Variants in STK32B observed in about 807,000 individuals in gnomAD.
STK32B encodes the protein serine/threonine kinase 32B, also known as serine/threonine-protein kinase 32B.
STK32B carries 43 observed loss-of-function variants against 52.6 expected under a neutral mutation model. The observed-to-expected ratio is 0.82, with a 90% CI of 0.64 to 1.05. The LOEUF (loss-of-function observed/expected upper bound fraction) is 1.05, where lower values mean the gene tolerates loss of function less well. Among genes scored for constraint, STK32B ranks in the 50% least tolerant of loss-of-function variants. STK32B has a pLI of 0.00. For missense variants in STK32B, 621 were observed against 534.6 expected, an observed-to-expected ratio of 1.16 and a Z score of -1.59; for synonymous variants, 238 against 204.3, an observed-to-expected ratio of 1.17 and a Z score of -1.41.
the STK32B span, among the ~76,000 whole-genome samples, chr4:5,042,301 A>G: frequency 6.6e-6 from 1 of 152,238 alleles, no homozygotes; most frequent in African/African-American, 2.4e-5. Flanking sequence ...TGGGAAAGCC[A>G]AGCAGACTCA....
chr4:5,406,264 C>T (rs574325944), intron 5 of STK32B, among the ~76,000 whole-genome samples: 5 of 152,320 alleles, frequency 3.3e-5, no homozygotes, highest in Admixed American at 1.3e-4. Flanking sequence ...CATCTCTGCC[C>T]GTGTTGCTCT....
rs921513319 is a variant in STK32B at position 5,449,574 on chromosome 4, T to A, written c.666+2798T>A. ...GTGCAGACCAGGGTTCTCCAACCCC[T>A]GGGGCTGGGTACTGGCCTGTGGCCT... On this transcript the variant is annotated intron_variant, in intron 7 of 11. Transcript: ENST00000282908. 2.0e-5 allele frequency among the ~76,000 whole-genome samples: 3 copies of A among 152,274 alleles called. No individual in the cohort carries two copies. The South Asian group carries it at 6.2e-4, about 32-fold the overall frequency.
chr4:5,090,416 C>T (rs1301758194), intron 1 of STK32B, among the ~76,000 whole-genome samples: 1 of 142,798 alleles, frequency 7.0e-6, no homozygotes, highest in Non-Finnish European at 1.5e-5. Context: ...CGCTCTGTCA[C>T]CCAGGCTAGA....
At chr4:5,477,890 A>AG (rs1022021315) in intron 11 of STK32B, among the ~76,000 whole-genome samples, 83 of 152,286 alleles carry the variant, frequency 5.5e-4, no homozygotes, top group African/African-American at 1.9e-3. Flanking sequence ...CCCATCCGTC[A>AG]GACCCCCAGT....
Position 5,395,426 on chromosome 4 carries a change from C to T in STK32B, c.435-2781C>T, listed in dbSNP as rs1182738623. On this transcript the variant is annotated intron_variant, in intron 4 of 11. Coordinates refer to ENST00000282908, the MANE Select transcript of STK32B (RefSeq NM_018401.3). The surrounding 1 kb of genome is among the most constrained non-coding windows in gnomAD (Gnocchi z 4.4). ...GCACAGCTGGCCTTTTCTTGCTATTCAGATGTCAACCCAATGTCACCACTT... is the reference window on the plus strand; with the variant it reads ...GCACAGCTGGCCTTTTCTTGCTATTTAGATGTCAACCCAATGTCACCACTT... Among the ~76,000 whole-genome samples the T allele has an allele frequency of 6.6e-6, 1 of 152,208 alleles. No homozygotes were observed. The highest frequency in any genetic ancestry group is 2.4e-5 in the African/African-American group (1 of 41,464).
chr4:5,269,757 A>G (rs1054784313), intron 3 of STK32B, among the ~76,000 whole-genome samples: 2 of 152,208 alleles, frequency 1.3e-5, no homozygotes, highest in Admixed American at 1.3e-4. Flanking sequence ...ACATATAGCA[A>G]TAAAGGAAAT....
the STK32B span, among the ~76,000 whole-genome samples, chr4:5,033,165 G>A: frequency 1.3e-5 from 2 of 152,124 alleles, no homozygotes; most frequent in Non-Finnish European, 2.9e-5. Flanking sequence ...CAGGGTCAGC[G>A]GCCTCATGGA....
At chr4:5,381,226 C>G (rs563565539) in intron 4 of STK32B, among the ~76,000 whole-genome samples, 7 of 152,212 alleles carry the variant, frequency 4.6e-5, no homozygotes, top group Non-Finnish European at 5.9e-5. Context: ...ACCTTGGGTC[C>G]TTTATCTTCA....
At chr4:5,356,683 C>G (rs1349085599) in intron 4 of STK32B, among the ~76,000 whole-genome samples, 1 of 152,160 alleles carries the variant, frequency 6.6e-6, no homozygotes, top group Non-Finnish European at 1.5e-5. Context: ...TTATAGGTCT[C>G]AGCACACGGT....
At chr4:5,312,632 C>T (rs1254249084) in intron 3 of STK32B, among the ~76,000 whole-genome samples, 1 of 151,958 alleles carries the variant, frequency 6.6e-6, no homozygotes, top group Non-Finnish European at 1.5e-5. Flanking sequence ...TTTTTTATGG[C>T]TGCATAGTAT....
At chr4:5,040,225 A>G in the STK32B span, among the ~76,000 whole-genome samples, 1 of 152,086 alleles carries the variant, frequency 6.6e-6, no homozygotes, top group Non-Finnish European at 1.5e-5. Context: ...TGTATGTTCT[A>G]TTTGTAAAAA....
In STK32B at chr4:5,413,927, C is replaced by T. The variant is rs182333640; in HGVS notation, c.473-2918C>T. Among the ~76,000 whole-genome samples, 57 of 152,320 alleles carry T rather than the reference C, an allele frequency of 3.7e-4. 3 individuals are homozygous for T. The East Asian group carries it at 5.4e-3, about 14-fold the overall frequency. On this transcript the variant is annotated intron_variant, in intron 5 of 11. Coordinates refer to ENST00000282908, the MANE Select transcript of STK32B (RefSeq NM_018401.3). ...TGCCATCAATTATAACTTTTTGGAA[C>T]ATAATATGCGTACCCTTGGTCCCAG...
chr4:5,056,693 TCTAA>T (rs753703662), intron 1 of STK32B, among the ~76,000 whole-genome samples: 120 of 152,350 alleles, frequency 7.9e-4, no homozygotes, highest in Admixed American at 2.5e-3. Context: ...TTTGATGGGC[TCTAA>T]CTGAGTCTTG....
chr4:5,317,223 ATTATATATAACATATATATATT>A (rs1731068098), intron 3 of STK32B, among the ~76,000 whole-genome samples: 2 of 53,498 alleles, frequency 3.7e-5, no homozygotes, highest in African/African-American at 3.9e-4. Context: ...ACATATATAT[ATTATATATAACATATATATATT>A]ATATATAACA....
intron 4 of STK32B, among the ~76,000 whole-genome samples, chr4:5,369,545 G>T (rs766270034): frequency 6.6e-6 from 1 of 152,082 alleles, no homozygotes; most frequent in Non-Finnish European, 1.5e-5. Context: ...CTACCTGTGG[G>T]ACTCTTTAGC....
At chr4:5,205,703 C>CGTGTGTGT (rs71169688) in intron 3 of STK32B, among the ~76,000 whole-genome samples, 40 of 141,028 alleles carry the variant, frequency 2.8e-4, no homozygotes, top group African/African-American at 9.0e-4. Context: ...GGCGCGCGCG[C>CGTGTGTGT]GTGTGTGTGT....
chr4:5,483,389 T>C (rs2109204170), intron 11 of STK32B, among the ~76,000 whole-genome samples: 1 of 152,224 alleles, frequency 6.6e-6, no homozygotes, highest in South Asian at 2.1e-4. Flanking sequence ...GTGTTTATAG[T>C]GTTCTCTGAT....
At chr4:5,451,031 C>T (rs1715943908) in intron 7 of STK32B, among the ~76,000 whole-genome samples, 2 of 152,176 alleles carry the variant, frequency 1.3e-5, no homozygotes, top group African/African-American at 4.8e-5. Flanking sequence ...CTGGCTTCCT[C>T]ATTCACAAAA....
chr4:5,224,084 T>C (rs1723714780), intron 3 of STK32B, among the ~76,000 whole-genome samples: 1 of 152,236 alleles, frequency 6.6e-6, no homozygotes, highest in Admixed American at 6.5e-5. Context: ...ATTTAGATGA[T>C]ATCTAGAAGA....
Sources: allele counts gnomAD v4.1 joint callset (sites outside exome capture counted in the v4.1 genomes callset), GRCh38; gene constraint gnomAD v4.1.1; non-coding constraint Gnocchi (gnomAD v3.1); transcripts MANE v1.5; gene names NCBI Gene and HGNC (gene_info 2026-07-23, HGNC 2026-07-21).